CCDC178: variants seen among roughly 807,000 people sequenced by gnomAD.
The protein encoded by CCDC178 is coiled-coil domain-containing protein 178.
CCDC178 carries 126 observed loss-of-function variants against 117.4 expected under a neutral mutation model. The ratio of observed to expected loss-of-function variants is 1.07; its 90% CI spans 0.93 to 1.24. CCDC178 has a LOEUF of 1.24. Ranked by LOEUF, CCDC178 falls within the 50% of genes most tolerant of loss-of-function variation. The probability of loss-of-function intolerance (pLI) is 0.00; values close to 1 mark genes in which losing one functional copy is unlikely to be tolerated. For synonymous variants in CCDC178, 283 were observed against 313.4 expected, an observed-to-expected ratio of 0.90 and a Z score of 1.02; for missense variants, 1,030 against 986.9, an observed-to-expected ratio of 1.04 and a Z score of -0.59.
At chr18:33,238,418 G>A (rs1004277337) in intron 15 of CCDC178, among the ~76,000 whole-genome samples, 3 of 152,024 alleles carry the variant, frequency 2.0e-5, no homozygotes, top group Admixed American at 2.0e-4. Flanking sequence ...AACAATTTAT[G>A]ATTTGAATGA....
At chr18:33,419,740 A>T (rs2063998271) in intron 2 of CCDC178, among the ~76,000 whole-genome samples, 1 of 152,200 alleles carries the variant, frequency 6.6e-6, no homozygotes, top group East Asian at 1.9e-4. Flanking sequence ...ATGCGATATC[A>T]TCTCACACCA....
At chr18:33,043,869 C>T (rs1014438200) in intron 21 of CCDC178, among the ~76,000 whole-genome samples, 2 of 151,564 alleles carry the variant, frequency 1.3e-5, no homozygotes, top group African/African-American at 4.9e-5. Flanking sequence ...AATTTCTCGC[C>T]GTAATAGTTT....
chr18:33,406,210 T>C (rs547129022), intron 3 of CCDC178, among the ~76,000 whole-genome samples: 172 of 152,222 alleles, frequency 1.1e-3, no homozygotes, highest in African/African-American at 4.0e-3. Context: ...TGAGTCTTAT[T>C]TGTAATTGTA....
chr18:33,398,978 T>C (rs1314858875), intron 3 of CCDC178, among the ~76,000 whole-genome samples: 2 of 152,160 alleles, frequency 1.3e-5, no homozygotes, highest in Non-Finnish European at 2.9e-5. Context: ...GGTGGGTGGA[T>C]CACCTGAGGT....
At chr18:33,275,589 G>A (rs2092752946) in intron 12 of CCDC178, among the ~76,000 whole-genome samples, 1 of 145,330 alleles carries the variant, frequency 6.9e-6, no homozygotes, top group Non-Finnish European at 1.5e-5. Context: ...AGGAAGGGAA[G>A]GGGAAGGGAA....
chr18:33,288,486 C>A (rs1376427096), intron 12 of CCDC178, among the ~76,000 whole-genome samples: 1 of 143,968 alleles, frequency 6.9e-6, no homozygotes, highest in Non-Finnish European at 1.5e-5. Flanking sequence ...TTTCTTCCTT[C>A]CATTTATTCC....
At chr18:33,158,106 G>T (rs1320396359) in intron 20 of CCDC178, among the ~76,000 whole-genome samples, 1 of 152,042 alleles carries the variant, frequency 6.6e-6, no homozygotes, top group African/African-American at 2.4e-5. Flanking sequence ...CTTCCTAAAA[G>T]TGTGTCAAAC....
intron 22 of CCDC178, 35 bp downstream of exon 22, chr18:32,974,512 A>G (rs777650739): frequency 6.2e-7 from 1 of 1,601,306 alleles, no homozygotes; most frequent in Non-Finnish European, 8.5e-7. Context: ...AATCTAGATC[A>G]GAATGATCTT....
At chr18:33,108,087 C>G (rs1051639549) in intron 20 of CCDC178, among the ~76,000 whole-genome samples, 3 of 151,550 alleles carry the variant, frequency 2.0e-5, no homozygotes, top group Non-Finnish European at 4.4e-5. Context: ...GCTGGGTGCA[C>G]ACATTTACCA....
chr18:32,951,211 C>T (rs1443978619), intron 22 of CCDC178, among the ~76,000 whole-genome samples: 1 of 152,072 alleles, frequency 6.6e-6, no homozygotes, highest in Admixed American at 6.6e-5. Context: ...ATAATTCTGC[C>T]TTAAGGGATA....
At chr18:33,217,956 C>T (rs1484711657) in intron 18 of CCDC178, among the ~76,000 whole-genome samples, 2 of 152,030 alleles carry the variant, frequency 1.3e-5, no homozygotes, top group Admixed American at 6.6e-5. Flanking sequence ...GGTAATAGCA[C>T]ACTCTTCATA....
chr18:33,130,147 T>C (rs540647168), intron 20 of CCDC178, among the ~76,000 whole-genome samples: 26 of 152,056 alleles, frequency 1.7e-4, no homozygotes, highest in African/African-American at 5.8e-4. Context: ...TGTAAAGTCA[T>C]TACCGAAGAG....
At chr18:33,372,743 G>GA (rs1269293444) in intron 5 of CCDC178, among the ~76,000 whole-genome samples, 1 of 152,104 alleles carries the variant, frequency 6.6e-6, no homozygotes, top group East Asian at 1.9e-4. Context: ...AAATGAAATA[G>GA]AAAGACTATG....
At chr18:33,026,404 G>A (rs2056230033) in intron 21 of CCDC178, among the ~76,000 whole-genome samples, 1 of 151,904 alleles carries the variant, frequency 6.6e-6, no homozygotes, top group Admixed American at 6.6e-5. Flanking sequence ...CTCTTACATT[G>A]GCATGTGGAA....
chr18:33,007,398 A>G (rs2144787671), intron 21 of CCDC178, among the ~76,000 whole-genome samples: 1 of 152,210 alleles, frequency 6.6e-6, no homozygotes. Flanking sequence ...TTTTTGACTT[A>G]AAAAGCTGAT....
chr18:33,094,060 C>G (rs1468796494), intron 20 of CCDC178, among the ~76,000 whole-genome samples: 1 of 151,954 alleles, frequency 6.6e-6, no homozygotes, highest in Non-Finnish European at 1.5e-5. Context: ...ATTGCCTGTA[C>G]AAATATTTCT....
At chr18:33,200,839 G>A (rs183988157) in intron 20 of CCDC178, among the ~76,000 whole-genome samples, 118 of 151,904 alleles carry the variant, frequency 7.8e-4, no homozygotes, top group Middle Eastern at 3.4e-3. Context: ...TGCTTAGGGG[G>A]GCTAATTAAA....
chr18:33,300,092 A>C (rs1222196074), intron 11 of CCDC178, among the ~76,000 whole-genome samples: 1 of 152,162 alleles, frequency 6.6e-6, no homozygotes, highest in Non-Finnish European at 1.5e-5. Flanking sequence ...ATAGTGAGTG[A>C]GTTCTCACAA....
chr18:33,134,216 C>T (rs535064969), intron 20 of CCDC178, among the ~76,000 whole-genome samples: 1 of 152,030 alleles, frequency 6.6e-6, no homozygotes, highest in South Asian at 2.1e-4. Flanking sequence ...TAATATTCTA[C>T]TCACACATAT....
Sources: allele counts gnomAD v4.1 joint callset (sites outside exome capture counted in the v4.1 genomes callset), GRCh38; gene constraint gnomAD v4.1.1; transcripts MANE v1.5; gene names NCBI Gene and HGNC (gene_info 2026-07-23, HGNC 2026-07-21).